SH3RF3: variants seen among roughly 807,000 people sequenced by gnomAD.
The protein encoded by SH3RF3 is E3 ubiquitin-protein ligase SH3RF3.
Under a neutral mutation model 66.3 loss-of-function variants are expected in SH3RF3, and 29 were observed. The ratio of observed to expected loss-of-function variants is 0.44; its 90% confidence interval spans 0.33 to 0.60. The LOEUF (loss-of-function observed/expected upper bound fraction) is 0.60. Ranked by LOEUF, SH3RF3 falls within the 20% of genes least tolerant of loss-of-function variation. The pLI, the probability that SH3RF3 is intolerant of heterozygous loss-of-function variation, is 0.04. For missense variants in SH3RF3, 1,194 were observed against 1,190.9 expected, an observed-to-expected ratio of 1.00 and a Z score of -0.04; for synonymous variants, 583 against 532.0, an observed-to-expected ratio of 1.10 and a Z score of -1.32.
intron 1 of SH3RF3, among the ~76,000 whole-genome samples, chr2:109,278,283 C>G (rs1038966425): frequency 1.3e-5 from 2 of 152,214 alleles, no homozygotes; most frequent in African/African-American, 4.8e-5. Flanking sequence ...CGGCAGGGCC[C>G]CGTGCTTCAG....
In SH3RF3 at chr2:109,213,251, C is replaced by T. The variant is rs139477705; in HGVS notation, c.573+83138C>T. 9.5e-4 allele frequency among the ~76,000 whole-genome samples: 144 copies of T among 152,280 alleles called. 4 individuals carry two copies. The East Asian group carries it at 0.025, about 26-fold the overall frequency. ...CTGCTTCTGAGCTCAGTGATGTACT[C>T]AGGACATGGCTCTTCCTCCCTCTTT... On this transcript the variant is annotated intron_variant, in intron 1 of 9. Transcript: ENST00000309415.
intron 1 of SH3RF3, among the ~76,000 whole-genome samples, chr2:109,346,505 G>A (rs1233768456): frequency 1.3e-5 from 2 of 152,146 alleles, no homozygotes; most frequent in African/African-American, 2.4e-5. Context: ...CCCGAACAAT[G>A]CAAAGCTTTC....
intron 5 of SH3RF3, among the ~76,000 whole-genome samples, chr2:109,421,993 G>A (rs1425845791): frequency 1.3e-5 from 2 of 152,210 alleles, no homozygotes; most frequent in Non-Finnish European, 2.9e-5. Flanking sequence ...GACCTCATCA[G>A]TTTATGAGGA....
chr2:109,319,823 C>G (rs921848295), intron 1 of SH3RF3, among the ~76,000 whole-genome samples: 13 of 152,218 alleles, frequency 8.5e-5, no homozygotes, highest in African/African-American at 2.9e-4. Flanking sequence ...ACAAAGGCAC[C>G]TCTGTCCCCT....
At chr2:109,484,099 G>A (rs1247881124) in intron 8 of SH3RF3, among the ~76,000 whole-genome samples, 1 of 138,620 alleles carries the variant, frequency 7.2e-6, no homozygotes, top group East Asian at 2.1e-4. Flanking sequence ...ACCGAGTCTC[G>A]CTCTTGTCTC....
chr2:109,464,454 A>G (rs530024309), intron 8 of SH3RF3, among the ~76,000 whole-genome samples: 4 of 152,024 alleles, frequency 2.6e-5, no homozygotes, highest in South Asian at 4.1e-4. Flanking sequence ...CATATAAAAT[A>G]CATGTGCACA....
chr2:109,342,536 T>C (rs1006859598), intron 1 of SH3RF3, among the ~76,000 whole-genome samples: 3 of 152,032 alleles, frequency 2.0e-5, no homozygotes, highest in Non-Finnish European at 4.4e-5. Context: ...ATCCTTAGGG[T>C]CTTAAACACA....
At chr2:109,190,286 G>T (rs1173791786) in intron 1 of SH3RF3, among the ~76,000 whole-genome samples, 1 of 151,990 alleles carries the variant, frequency 6.6e-6, no homozygotes, top group Non-Finnish European at 1.5e-5. Context: ...TGATTCTTCT[G>T]CCTCAACCTC....
intron 1 of SH3RF3, among the ~76,000 whole-genome samples, chr2:109,172,145 C>T (rs1053756832): frequency 5.9e-5 from 9 of 152,188 alleles, no homozygotes; most frequent in African/African-American, 7.2e-5. Flanking sequence ...GAGCAGGTCT[C>T]CCGGAGCCAT....
chr2:109,342,447 G>A (rs574685025), intron 1 of SH3RF3, among the ~76,000 whole-genome samples: 52 of 152,320 alleles, frequency 3.4e-4, no homozygotes, highest in African/African-American at 1.2e-3. Context: ...AATCTGTCCT[G>A]ATGGGCTAAT....
chr2:109,186,785 T>G (rs1450940850), intron 1 of SH3RF3, among the ~76,000 whole-genome samples: 1 of 152,278 alleles, frequency 6.6e-6, no homozygotes, highest in East Asian at 1.9e-4. Flanking sequence ...CTCCAGTGAA[T>G]ATCACTGCCT....
At chr2:109,407,788 T>C (rs10193955) in intron 4 of SH3RF3, among the ~76,000 whole-genome samples, 7,455 of 152,222 alleles carry the variant, frequency 0.049, 334 homozygotes, top group African/African-American at 0.11. Context: ...CAAGAAAACT[T>C]TCTTCTACAA....
In SH3RF3 at chr2:109,503,215, A is replaced by G. The variant is rs1436326793; in HGVS notation, c.*1544A>G. On this transcript the variant is annotated 3_prime_UTR_variant, in exon 10 of 10. Transcript: ENST00000309415. ...ATCCATCACCCCTCTCTCCACCTAT[A>G]TTTTTACAAATACCATTCAGACTTA... 1 of 152,172 alleles carries G rather than the reference A, an allele frequency of 6.6e-6. No individual in the cohort carries two copies. The highest frequency in any genetic ancestry group is 1.5e-5 in the Non-Finnish European group (1 of 68,024). 9.4% of individuals were successfully genotyped at this position (152,172 alleles called of 1,614,324 possible). A position where few individuals can be genotyped will look rare whatever the true frequency, so the allele number is the denominator to read the frequency against.
At chr2:109,151,282 G>A (rs1677219840) in intron 1 of SH3RF3, among the ~76,000 whole-genome samples, 1 of 152,132 alleles carries the variant, frequency 6.6e-6, no homozygotes, top group Middle Eastern at 3.2e-3. Flanking sequence ...TTGTGGCCAT[G>A]GAAACAGACT....
At chr2:109,475,222 C>A (rs1678653088) in intron 8 of SH3RF3, among the ~76,000 whole-genome samples, 1 of 152,154 alleles carries the variant, frequency 6.6e-6, no homozygotes, top group South Asian at 2.1e-4. Context: ...CGTGATCCAC[C>A]CGCCTCGGCC....
intron 1 of SH3RF3, among the ~76,000 whole-genome samples, chr2:109,300,559 T>C (rs1300350218): frequency 6.6e-6 from 1 of 152,186 alleles, no homozygotes; most frequent in Non-Finnish European, 1.5e-5. Flanking sequence ...ACAGGCATCC[T>C]TTTCCATAGG....
chr2:109,144,561 G>A (rs146571214), intron 1 of SH3RF3, among the ~76,000 whole-genome samples: 1 of 152,366 alleles, frequency 6.6e-6, no homozygotes, highest in African/African-American at 2.4e-5. Flanking sequence ...GCAATTTTAT[G>A]CTTGCAAGCA....
At chr2:109,224,567 A>G (rs997808010) in intron 1 of SH3RF3, among the ~76,000 whole-genome samples, 2 of 152,300 alleles carry the variant, frequency 1.3e-5, no homozygotes, top group Admixed American at 1.3e-4. Context: ...GGCTTTTAAA[A>G]TTTCATTTTG....
chr2:109,442,265 C>T (rs924969359), intron 7 of SH3RF3, among the ~76,000 whole-genome samples: 2 of 148,658 alleles, frequency 1.3e-5, no homozygotes, highest in Admixed American at 6.7e-5. Flanking sequence ...GAGCCGAGAT[C>T]GTGCCACTGC....
Sources: gnomAD v4.1 joint callset for allele counts (sites outside exome capture counted in the v4.1 genomes callset) on GRCh38, gnomAD v4.1.1 for gene constraint, MANE v1.5 for transcripts, NCBI Gene and HGNC (gene_info 2026-07-23, HGNC 2026-07-21) for gene names.